Variants in ZNF83 observed in about 807,000 individuals in gnomAD.
ZNF83 encodes zinc finger protein 816B.
For synonymous variants in ZNF83, 209 were observed against 213.0 expected (o/e 0.98, Z 0.17); for missense variants, 552 against 629.9 (o/e 0.88, Z 1.32).
At chr19:52,668,261 T>C (rs1405220500) in intron 1 of ZNF83, among the ~76,000 whole-genome samples, 1 of 152,104 alleles carries the variant, frequency 6.6e-6, no homozygotes, top group Non-Finnish European at 1.5e-5. Context: ...GAGACTGCTG[T>C]TCATACAGCA....
intron 2 of ZNF83, chr19:52,618,617 G>A (rs180673061): frequency 6.0e-6 from 2 of 333,226 alleles, no homozygotes; most frequent in South Asian, 3.8e-5. Flanking sequence ...GGCTAGTATC[G>A]AACTCCTGAC....
At chr19:52,652,482 C>A in intron 3 of ZNF83, 1 of 438,456 alleles carries the variant, frequency 2.3e-6, no homozygotes, top group Non-Finnish European at 4.6e-6. Context: ...TTGTGAGGTT[C>A]TCTCCCATAT....
intron 3 of ZNF83, chr19:52,653,142 G>A: frequency 2.7e-6 from 4 of 1,465,676 alleles, no homozygotes; most frequent in Non-Finnish European, 3.8e-6. Flanking sequence ...ACTCATGACA[G>A]TTGTAAGGTT....
chr19:52,631,671 T>C (rs1019017754), intron 2 of ZNF83, among the ~76,000 whole-genome samples: 26 of 152,218 alleles, frequency 1.7e-4, no homozygotes, highest in South Asian at 1.2e-3. Context: ...CTCATGACTG[T>C]ATCTCTCTGA....
chr19:52,653,090 T>C, intron 3 of ZNF83: 1 of 1,477,966 alleles, frequency 6.8e-7, no homozygotes, highest in Middle Eastern at 1.8e-4. Context: ...TGAATTGCCT[T>C]ATGAATTAGA....
At chr19:52,661,141 G>C (rs1053642668) in intron 1 of ZNF83, among the ~76,000 whole-genome samples, 1 of 152,078 alleles carries the variant, frequency 6.6e-6, no homozygotes, top group African/African-American at 2.4e-5. Flanking sequence ...ATGATTACAG[G>C]GGTAAACCAC....
intron 3 of ZNF83, chr19:52,652,653 T>C: frequency 1.9e-6 from 1 of 532,262 alleles, no homozygotes; most frequent in East Asian, 5.0e-5. Flanking sequence ...AAGATCTCTC[T>C]TCATTATGGA....
chr19:52,684,282 C>T (rs1458863605), intron 1 of ZNF83, among the ~76,000 whole-genome samples: 4 of 152,058 alleles, frequency 2.6e-5, no homozygotes, highest in Non-Finnish European at 5.9e-5. Flanking sequence ...AGGAGAATTG[C>T]TTGAACTCTG....
chr19:52,636,007 A>C (rs1444366284), intron 1 of ZNF83: 1 of 150,212 alleles, frequency 6.7e-6, no homozygotes, highest in Non-Finnish European at 1.5e-5. Flanking sequence ...AAAAAAAAAA[A>C]CTATGTAGAC....
At chr19:52,626,948 C>A (rs539591055) in intron 2 of ZNF83, among the ~76,000 whole-genome samples, 1 of 152,222 alleles carries the variant, frequency 6.6e-6, no homozygotes, top group African/African-American at 2.4e-5. Context: ...CCTGAGGCAA[C>A]CGAAAAGTAC....
intron 3 of ZNF83, among the ~76,000 whole-genome samples, chr19:52,647,135 C>T (rs559206636): frequency 4.3e-4 from 66 of 152,132 alleles, no homozygotes; most frequent in East Asian, 1.4e-3. Flanking sequence ...CCCACCTCAC[C>T]GCCCCACTTC....
chr19:52,666,215 GAC>G (rs1568573122), intron 1 of ZNF83, among the ~76,000 whole-genome samples: 1 of 150,926 alleles, frequency 6.6e-6, no homozygotes, highest in Non-Finnish European at 1.5e-5. Context: ...GAGAGAAAGA[GAC>G]AGAGAGACAA....
At chr19:52,639,415 A>ATTTTTTTTTTTTT (rs1160711365), upstream of ZNF83, among the ~76,000 whole-genome samples, 193 of 86,196 alleles carry the variant, frequency 2.2e-3, 1 homozygote, top group East Asian at 6.2e-3. Context: ...AGTTTTTTCT[A>ATTTTTTTTTTTTT]TTTTTTTTTT....
At chr19:52,628,826 C>T (rs1471336008) in intron 2 of ZNF83, among the ~76,000 whole-genome samples, 1 of 151,894 alleles carries the variant, frequency 6.6e-6, no homozygotes, top group African/African-American at 2.4e-5. Flanking sequence ...CTCTGCACCC[C>T]AATCCCTTAT....
chr19:52,669,595 T>C (rs1034657458), intron 1 of ZNF83, among the ~76,000 whole-genome samples: 3 of 152,144 alleles, frequency 2.0e-5, no homozygotes, highest in Admixed American at 6.5e-5. Context: ...ACTGCGCCCA[T>C]TGAAAGTAAA....
At chr19:52,622,032 T>G (rs918286680) in intron 2 of ZNF83, among the ~76,000 whole-genome samples, 1 of 151,994 alleles carries the variant, frequency 6.6e-6, no homozygotes, top group South Asian at 2.1e-4. Flanking sequence ...TGAAGACCCC[T>G]CTTACCTCTC....
At chr19:52,656,196 G>T (rs905432860) in intron 2 of ZNF83, among the ~76,000 whole-genome samples, 4 of 139,060 alleles carry the variant, frequency 2.9e-5, no homozygotes, top group African/African-American at 1.1e-4. Context: ...TTGGGCTGCA[G>T]AGTGAGACTC....
At chr19:52,661,400 T>C (rs2147279976) in intron 1 of ZNF83, among the ~76,000 whole-genome samples, 1 of 152,236 alleles carries the variant, frequency 6.6e-6, no homozygotes, top group African/African-American at 2.4e-5. Context: ...GACACAGATC[T>C]GGCCCTAACC....
At chr19:52,670,295 T>C (rs968438278) in intron 1 of ZNF83, among the ~76,000 whole-genome samples, 13 of 152,156 alleles carry the variant, frequency 8.5e-5, no homozygotes, top group Admixed American at 7.2e-4. Context: ...ACTCACCTTG[T>C]CACTCTCTTT....
Sources: gnomAD v4.1 joint callset for allele counts (sites outside exome capture counted in the v4.1 genomes callset) on GRCh38, gnomAD v4.1.1 for gene constraint, MANE v1.5 for transcripts, NCBI Gene and HGNC (gene_info 2026-07-23, HGNC 2026-07-21) for gene names.